PARVA: variants seen among roughly 807,000 people sequenced by gnomAD.
PARVA encodes the protein alpha-parvin.
PARVA carries 25 observed loss-of-function variants against 52.6 expected under a neutral mutation model. The observed-to-expected ratio is 0.48, with a 90% CI of 0.35 to 0.66. The LOEUF (loss-of-function observed/expected upper bound fraction) is 0.66. PARVA is among the 30% of genes least tolerant of loss of function. The pLI is 0.01. For missense variants in PARVA, 373 were observed against 450.9 expected (o/e 0.83, Z 1.56); for synonymous variants, 185 against 179.1 (o/e 1.03, Z -0.26).
In PARVA at chr11:12,530,140, G is replaced by A. The variant is rs1213233581; in HGVS notation, c.*2215G>A. 1 of 152,092 alleles carries A rather than the reference G, an allele frequency of 6.6e-6. No homozygotes were observed. The highest frequency in any genetic ancestry group is 1.5e-5 in the Non-Finnish European group (1 of 68,004). The allele number at this position is 152,092 out of a possible 1,614,324, so 9.4% of individuals were successfully genotyped here. A position where few individuals can be genotyped will look rare whatever the true frequency, so the allele number is the denominator to read the frequency against. On this transcript the variant is annotated 3_prime_UTR_variant, in exon 13 of 13. Coordinates refer to ENST00000334956, the MANE Select transcript of PARVA (RefSeq NM_018222.5). ...TTTGTATTTTACATATATACAGTAT[G>A]AAAATACATTGGAACACTAGGAAAG... is the stretch of plus-strand genomic sequence containing the variant.
At chr11:12,415,585 C>T (rs890414278) in intron 1 of PARVA, among the ~76,000 whole-genome samples, 3 of 152,096 alleles carry the variant, frequency 2.0e-5, no homozygotes, top group Admixed American at 6.6e-5. Context: ...GGGGAATCAG[C>T]CTTTACATCA....
intron 1 of PARVA, among the ~76,000 whole-genome samples, chr11:12,426,384 C>T (rs1466653383): frequency 6.6e-6 from 1 of 151,638 alleles, no homozygotes; most frequent in Non-Finnish European, 1.5e-5. Context: ...GTGGCTGGAG[C>T]ATGGTGAGTA....
intron 1 of PARVA, among the ~76,000 whole-genome samples, chr11:12,387,624 T>G (rs1939591850): frequency 6.6e-6 from 1 of 152,016 alleles, no homozygotes; most frequent in South Asian, 2.1e-4. Flanking sequence ...TCTCTTTTCC[T>G]TTTGCGGGAA....
chr11:12,452,954 G>C (rs1184174036), intron 1 of PARVA: 1 of 454,872 alleles, frequency 2.2e-6, no homozygotes, highest in South Asian at 1.6e-5. Context: ...CCACAGGGAG[G>C]GGGTCAGCTC....
In PARVA at chr11:12,452,796, T is replaced by C. The variant is rs76386806; in HGVS notation, c.137-20949T>C. ...GGTCTGTGAGTCTCCAGTGGCATCG[T>C]ATTAAATTATATAGGCAGCCACTTG... On this transcript the variant is annotated intron_variant, in intron 1 of 12. Coordinates refer to ENST00000334956, the MANE Select transcript of PARVA (RefSeq NM_018222.5). 3.1e-3 allele frequency: 894 copies of C among 288,338 alleles called. 11 individuals carry two copies. Among genetic ancestry groups the C allele is most frequent in the African/African-American group, 0.018 (845 of 46,176 alleles). 17.9% of individuals were successfully genotyped at this position (288,338 alleles called of 1,614,324 possible). A position where few individuals can be genotyped will look rare whatever the true frequency, so the allele number is the denominator to read the frequency against.
intron 6 of PARVA, among the ~76,000 whole-genome samples, chr11:12,508,124 CAA>C (rs199719161): frequency 0.27 from 28,251 of 104,414 alleles, 4,019 homozygotes; most frequent in African/African-American, 0.45. Context: ...AAAAAAAAAC[CAA>C]AAAAAAAAAC....
In PARVA at chr11:12,417,018, T is replaced by G. The variant is rs184640004; in HGVS notation, c.136+39235T>G. On this transcript the variant is annotated intron_variant, in intron 1 of 12. Transcript: ENST00000334956. ...TGAGTCACTTTGTTGGAACTACTTATAATGGAGAACTGTGTTTGAGAAGGC... is the reference window on the plus strand; with the variant it reads ...TGAGTCACTTTGTTGGAACTACTTAGAATGGAGAACTGTGTTTGAGAAGGC... Among the ~76,000 whole-genome samples, 8 of 152,292 alleles carry G rather than the reference T, an allele frequency of 5.3e-5. No individual in the cohort carries two copies. The East Asian group carries it at 1.5e-3, about 29-fold the overall frequency.
intron 1 of PARVA, among the ~76,000 whole-genome samples, chr11:12,423,257 T>C (rs11022352): frequency 0.2 from 29,636 of 150,484 alleles, 5,351 homozygotes; most frequent in African/African-American, 0.48. Context: ...CAGCTCATTA[T>C]AGCCTTGACC....
chr11:12,512,723 A>G (rs931609625), intron 8 of PARVA, among the ~76,000 whole-genome samples: 23 of 152,220 alleles, frequency 1.5e-4, no homozygotes, highest in African/African-American at 5.1e-4. Flanking sequence ...TCCTCATGAC[A>G]AACCTGAGGG....
intron 8 of PARVA, 156 bp from the exon 9 acceptor site, chr11:12,513,143 C>A (rs368206005): frequency 3.3e-5 from 25 of 750,774 alleles, no homozygotes; most frequent in Middle Eastern, 4.6e-4. Context: ...AGCCCCAAAT[C>A]ACATTCCAGA....
Position 12,517,684 on chromosome 11 carries a change from C to A in PARVA, c.942C>A (p.Phe314Leu). The change falls in exon 11 of 13, where the codon TTC (phenylalanine) becomes TTA (leucine). Residue 314 changes from phenylalanine (F) to leucine (L), a missense_variant. By Grantham distance (22) the Phe-to-Leu change is conservative. Transcript: ENST00000334956. ...EGYFVPLHSF[F>L]LTPDSFEQKV... ...ACTTTGTGCCCCTGCACAGCTTCTT[C>A]CTGACCCCGGACAGCTTTGAACAGA... is the stretch of plus-strand genomic sequence containing the variant. 6.2e-7 allele frequency: 1 copy of A among 1,603,388 alleles called. No individual in the cohort carries two copies.
intron 4 of PARVA, among the ~76,000 whole-genome samples, chr11:12,484,957 G>A (rs1941140705): frequency 6.6e-6 from 1 of 151,954 alleles, no homozygotes; most frequent in African/African-American, 2.4e-5. Context: ...GGGATCACAG[G>A]TGTGTGCCAC....
At chr11:12,500,562 G>T (rs1941351349) in intron 5 of PARVA, among the ~76,000 whole-genome samples, 2 of 152,106 alleles carry the variant, frequency 1.3e-5, no homozygotes, top group African/African-American at 4.8e-5. Context: ...GGCCAAGGTG[G>T]GTGGATCACC....
At chr11:12,417,018 T>C (rs184640004) in intron 1 of PARVA, among the ~76,000 whole-genome samples, 1 of 152,174 alleles carries the variant, frequency 6.6e-6, no homozygotes, top group Non-Finnish European at 1.5e-5. Context: ...GAACTACTTA[T>C]AATGGAGAAC....
intron 5 of PARVA, among the ~76,000 whole-genome samples, chr11:12,502,474 TG>T (rs1276800920): frequency 6.6e-6 from 1 of 151,920 alleles, no homozygotes; most frequent in Non-Finnish European, 1.5e-5. Context: ...GGTAGGACTG[TG>T]AAGGCAGGCA....
chr11:12,429,105 C>G (rs1002768119), intron 1 of PARVA, among the ~76,000 whole-genome samples: 2 of 152,128 alleles, frequency 1.3e-5, no homozygotes, highest in Admixed American at 6.5e-5. Flanking sequence ...AGCTTCTTCC[C>G]AAGTAGCTGG....
chr11:12,505,291 C>T (rs1308582295), intron 6 of PARVA, among the ~76,000 whole-genome samples: 5 of 152,192 alleles, frequency 3.3e-5, no homozygotes, highest in Admixed American at 6.5e-5. Flanking sequence ...GGAATGATAA[C>T]AGTGGCTCTG....
intron 1 of PARVA, among the ~76,000 whole-genome samples, chr11:12,446,219 A>G (rs1442529416): frequency 6.6e-6 from 1 of 152,232 alleles, no homozygotes; most frequent in Non-Finnish European, 1.5e-5. Context: ...TTCATTGGAC[A>G]GATGGTCAAA....
chr11:12,442,335 T>C (rs1940478686), intron 1 of PARVA, among the ~76,000 whole-genome samples: 1 of 152,198 alleles, frequency 6.6e-6, no homozygotes, highest in Non-Finnish European at 1.5e-5. Context: ...AAGATGCATA[T>C]GTAAGCTTTG....
Sources: gnomAD v4.1 joint callset for allele counts (sites outside exome capture counted in the v4.1 genomes callset) on GRCh38, gnomAD v4.1.1 for gene constraint, MANE v1.5 for transcripts, NCBI Gene and HGNC (gene_info 2026-07-23, HGNC 2026-07-21) for gene names.